CELF2: variants seen among roughly 807,000 people sequenced by gnomAD.
CELF2 encodes the protein CUG triplet repeat RNA-binding protein 2.
Under a neutral mutation model 62.6 loss-of-function variants are expected in CELF2, and 8 were observed. The observed-to-expected ratio is 0.13, with a 90% CI of 0.07 to 0.23. The LOEUF (loss-of-function observed/expected upper bound fraction) is 0.23, where lower values mean the gene tolerates loss of function less well. Ranked by LOEUF, CELF2 falls within the 10% of genes least tolerant of loss-of-function variation. The pLI, the probability that CELF2 is intolerant of heterozygous loss-of-function variation, is 1.00. For synonymous variants in CELF2, 258 were observed against 250.0 expected (o/e 1.03, Z -0.30); for missense variants, 333 against 671.0 (o/e 0.50, Z 5.56).
At chr10:11,076,408 A>G (rs1167241650) in intron 1 of CELF2, among the ~76,000 whole-genome samples, 1 of 152,188 alleles carries the variant, frequency 6.6e-6, no homozygotes, top group African/African-American at 2.4e-5. Flanking sequence ...GATTTGTTAT[A>G]CAGCAAGAGC....
chr10:10,778,268 A>T, the CELF2 span, among the ~76,000 whole-genome samples: 1 of 152,210 alleles, frequency 6.6e-6, no homozygotes, highest in Non-Finnish European at 1.5e-5. Context: ...GAGGGGCCAG[A>T]TTGGCAAGAA....
At chr10:11,259,038 T>C (rs1212870386) in intron 5 of CELF2, among the ~76,000 whole-genome samples, 1 of 152,252 alleles carries the variant, frequency 6.6e-6, no homozygotes, top group Non-Finnish European at 1.5e-5. Context: ...GGAGAGGTTT[T>C]CATTCTCTTA....
chr10:10,939,100 C>A (rs971966525), intron 2 of CELF2, among the ~76,000 whole-genome samples: 3 of 149,922 alleles, frequency 2.0e-5, no homozygotes, highest in Non-Finnish European at 4.4e-5. Flanking sequence ...GCTATTGTAA[C>A]CCCATCACCT....
At chr10:11,264,992 C>CA (rs770225663) in intron 5 of CELF2, among the ~76,000 whole-genome samples, 11 of 152,100 alleles carry the variant, frequency 7.2e-5, no homozygotes, top group African/African-American at 1.4e-4. Flanking sequence ...ATGATGCAAA[C>CA]AAAAAATGCA....
the CELF2 span, among the ~76,000 whole-genome samples, chr10:10,638,890 G>A: frequency 6.6e-6 from 1 of 152,130 alleles, no homozygotes; most frequent in Non-Finnish European, 1.5e-5. Context: ...ACCCTGACTG[G>A]CAAAGTAGAA....
rs1004063583 is a variant in CELF2 at position 11,242,724 on chromosome 10, C to T, written c.355-6429C>T. ...CAGCTTACTCAGGAGTGAGGGGCAT[C>T]AGGTCCAGTCACAGGCCAGCCAGGG... is the stretch of plus-strand genomic sequence containing the variant. On this transcript the variant is annotated intron_variant, in intron 3 of 12. Coordinates refer to ENST00000633077, the MANE Select transcript of CELF2 (RefSeq NM_001326342.2). This position sits in a 1 kb window ranked among gnomAD's most constrained non-coding sequence, Gnocchi z 4.8. 6.6e-6 allele frequency among the ~76,000 whole-genome samples: 1 copy of T among 152,194 alleles called. No homozygotes were observed. Among genetic ancestry groups the T allele is most frequent in the Non-Finnish European group, 1.5e-5 (1 of 68,022 alleles).
chr10:10,956,378 T>C (rs1459247209), intron 2 of CELF2, among the ~76,000 whole-genome samples: 1 of 152,216 alleles, frequency 6.6e-6, no homozygotes, highest in African/African-American at 2.4e-5. Context: ...CCAGGTACTT[T>C]ATTGGCTTGC....
the CELF2 span, among the ~76,000 whole-genome samples, chr10:10,766,533 T>C: frequency 7.2e-5 from 11 of 152,186 alleles, no homozygotes; most frequent in Admixed American, 7.2e-4. Flanking sequence ...AGTGTCTGAG[T>C]GGACCCTGGG....
intron 2 of CELF2, among the ~76,000 whole-genome samples, chr10:11,176,323 A>T (rs937772684): frequency 6.6e-6 from 1 of 152,204 alleles, no homozygotes; most frequent in African/African-American, 2.4e-5. Flanking sequence ...TATTAGCATA[A>T]CGAAGCCATC....
chr10:11,122,357 CA>C (rs1477614078), intron 1 of CELF2, among the ~76,000 whole-genome samples: 2 of 152,294 alleles, frequency 1.3e-5, no homozygotes, highest in East Asian at 3.9e-4. Flanking sequence ...ACTTACTAAT[CA>C]GTTTAGTAAC....
chr10:10,973,769 T>C (rs1406431009), intron 2 of CELF2, among the ~76,000 whole-genome samples: 1 of 152,190 alleles, frequency 6.6e-6, no homozygotes, highest in African/African-American at 2.4e-5. Flanking sequence ...CATCTCATTC[T>C]GTTGCCTGGG....
intron 1 of CELF2, among the ~76,000 whole-genome samples, chr10:11,121,885 G>A (rs895594925): frequency 6.6e-6 from 1 of 152,066 alleles, no homozygotes; most frequent in Non-Finnish European, 1.5e-5. Context: ...GAGTAGAGAC[G>A]ATGTACATTT....
At chr10:11,014,583 C>G (rs943052164), upstream of CELF2, among the ~76,000 whole-genome samples, 2 of 151,756 alleles carry the variant, frequency 1.3e-5, no homozygotes, top group Non-Finnish European at 2.9e-5. Flanking sequence ...AGTTTGTACT[C>G]TGCGTACAAA....
chr10:11,099,561 C>A (rs1396464078), intron 1 of CELF2, among the ~76,000 whole-genome samples: 5 of 152,084 alleles, frequency 3.3e-5, no homozygotes, highest in Non-Finnish European at 7.4e-5. Context: ...ATAGAATTCC[C>A]GATTTCCTTC....
intron 1 of CELF2, among the ~76,000 whole-genome samples, chr10:10,875,794 CT>C (rs2061049260): frequency 6.6e-6 from 1 of 152,180 alleles, no homozygotes; most frequent in Non-Finnish European, 1.5e-5. Context: ...TGAGGTTACT[CT>C]CCATACATCT....
the CELF2 span, among the ~76,000 whole-genome samples, chr10:10,639,088 T>C: frequency 2.2e-3 from 339 of 152,332 alleles, 3 homozygotes; most frequent in Non-Finnish European, 3.9e-3. Flanking sequence ...AAGAGAGCTT[T>C]TAATATAAGA....
chr10:11,200,354 C>T (rs2399663), intron 2 of CELF2, among the ~76,000 whole-genome samples: 115,475 of 152,192 alleles, frequency 0.76, 44,614 homozygotes, highest in Middle Eastern at 0.83. Flanking sequence ...GAGCATGTTC[C>T]TACAGCAAAG....
At chr10:10,589,282 G>T in the CELF2 span, among the ~76,000 whole-genome samples, 1 of 152,210 alleles carries the variant, frequency 6.6e-6, no homozygotes, top group Admixed American at 6.5e-5. Context: ...TGGAAGCCAA[G>T]GTTCTATCAT....
intron 1 of CELF2, among the ~76,000 whole-genome samples, chr10:10,832,643 CTAAA>C (rs986328380): frequency 1.3e-5 from 2 of 152,144 alleles, no homozygotes; most frequent in Non-Finnish European, 2.9e-5. Context: ...AATCAATTGA[CTAAA>C]TAGTCCATGA....
Sources: gnomAD v4.1 joint callset for allele counts (sites outside exome capture counted in the v4.1 genomes callset) on GRCh38, gnomAD v4.1.1 for gene constraint, Gnocchi (gnomAD v3.1) non-coding constraint, MANE v1.5 for transcripts, NCBI Gene and HGNC (gene_info 2026-07-23, HGNC 2026-07-21) for gene names.